Variants in KNDC1 observed in about 807,000 individuals in gnomAD.
The protein encoded by KNDC1 is kinase non-catalytic C-lobe domain containing 1, also known as kinase non-catalytic C-lobe domain-containing protein 1.
In KNDC1, 106 loss-of-function variants were observed where a neutral mutation model predicts 172.8. The ratio of observed to expected loss-of-function variants is 0.61; its 90% confidence interval spans 0.52 to 0.72. KNDC1 has a LOEUF of 0.72. Ranked by LOEUF, KNDC1 falls within the 30% of genes least tolerant of loss-of-function variation. KNDC1 has a pLI of 0.00. For synonymous variants in KNDC1, 1,083 were observed against 1,062.2 expected (o/e 1.02, Z -0.38); for missense variants, 2,325 against 2,394.5 (o/e 0.97, Z 0.61).
In KNDC1 at chr10:133,168,258, C is replaced by T. The variant is rs1591219235; in HGVS notation, c.306C>T (p.Asp102=). The T allele has an allele frequency of 6.2e-7, 1 of 1,614,114 alleles. No individual in the cohort carries two copies. The highest frequency in any genetic ancestry group is 8.5e-7 in the Non-Finnish European group (1 of 1,179,986). The part of the protein sequence containing the change: ...NVCFMEQLSD[D]PEGAFVPPEF... ...CTTCTCTCTCTCCTCCCCAAGACGA[C>T]CCTGAGGGTGCCTTCGTTCCCCCCG... The change falls in exon 3 of 30, where the codon GAC becomes GAT. Residue 102 remains aspartate (D), a synonymous_variant. Coordinates refer to ENST00000304613, the MANE Select transcript of KNDC1 (RefSeq NM_152643.8).
At chr10:133,173,116 G>GGC (rs1462867576) in intron 3 of KNDC1, among the ~76,000 whole-genome samples, 1 of 152,198 alleles carries the variant, frequency 6.6e-6, no homozygotes, top group Non-Finnish European at 1.5e-5. Flanking sequence ...CTCCTCTTCA[G>GGC]GCGCTGCATT....
At chr10:133,204,158 A>G (rs1450680477) in intron 17 of KNDC1, among the ~76,000 whole-genome samples, 1 of 152,152 alleles carries the variant, frequency 6.6e-6, no homozygotes, top group Non-Finnish European at 1.5e-5. Context: ...CATCCTCAGA[A>G]GCCAGGACCA....
intron 1 of KNDC1, among the ~76,000 whole-genome samples, chr10:133,166,242 C>T (rs1408627038): frequency 1.3e-5 from 2 of 152,190 alleles, no homozygotes; most frequent in Non-Finnish European, 2.9e-5. Context: ...GAGAAGGGGC[C>T]TCTGCCTCCT....
At chr10:133,166,373 G>A (rs1853153385) in intron 1 of KNDC1, among the ~76,000 whole-genome samples, 2 of 152,246 alleles carry the variant, frequency 1.3e-5, no homozygotes, top group Non-Finnish European at 2.9e-5. Flanking sequence ...CCATACTCGG[G>A]TGCGTGCGAG....
chr10:133,185,584 G>A (rs1324311677), intron 5 of KNDC1, among the ~76,000 whole-genome samples: 3 of 152,084 alleles, frequency 2.0e-5, no homozygotes, highest in East Asian at 2.0e-4. Flanking sequence ...GCTGACGGCC[G>A]TAGCCACATC....
At chr10:133,197,606 C>T in intron 11 of KNDC1, 69 bp from the exon 12 acceptor site, 1 of 1,214,418 alleles carries the variant, frequency 8.2e-7, no homozygotes, top group East Asian at 2.3e-5. Flanking sequence ...TGGGGGACGC[C>T]CTGTGGGTGT....
chr10:133,186,376 AG>A lies in KNDC1; in HGVS notation c.1030del (p.Ala344ProfsTer179). 6.2e-7 allele frequency: 1 copy of A among 1,612,792 alleles called. No homozygotes were observed. The highest frequency in any genetic ancestry group is 8.5e-7 in the Non-Finnish European group (1 of 1,179,968). ...ISELFSPDPR[K>X]AFLDRKNGLS... ...GAATTATTCTCTCCGGACCCCAGGA[AG>A]GCCTTTCTGGACAGGAAAAATGGCC... On this transcript the variant is annotated frameshift_variant, in exon 6 of 30. Coordinates refer to ENST00000304613, the MANE Select transcript of KNDC1 (RefSeq NM_152643.8). LOFTEE classifies it high-confidence loss of function.
rs778097502 is a variant in KNDC1 at position 133,183,960 on chromosome 10, T to C, written c.596T>C (p.Leu199Pro). 1 of 1,598,038 alleles carries C rather than the reference T, an allele frequency of 6.3e-7. No individual in the cohort carries two copies. The highest frequency in any genetic ancestry group is 1.1e-5 in the South Asian group (1 of 90,180). Residue 199 changes from leucine (L) to proline (P), a missense_variant, in exon 5 of 30, where the codon CTC becomes CCC. Transcript: ENST00000304613. ...RSLSAVGRRV[L>P]SIESFGALQD... ...CTCTCTGCTGTGGGGAGGAGGGTCC[T>C]CTCCATCGAGTCCTTCGGAGCGCTG...
At chr10:133,165,567 C>T (rs550258290) in intron 1 of KNDC1, among the ~76,000 whole-genome samples, 9 of 152,330 alleles carry the variant, frequency 5.9e-5, no homozygotes, top group Admixed American at 4.6e-4. Context: ...ACTGACTTAC[C>T]GCTTGGTGCA....
chr10:133,212,199 T>G (rs1845382531), intron 23 of KNDC1, among the ~76,000 whole-genome samples: 1 of 151,654 alleles, frequency 6.6e-6, no homozygotes, highest in Non-Finnish European at 1.5e-5. Flanking sequence ...CCTACACGTG[T>G]GCACCCTCAC....
At chr10:133,204,658 C>A (rs1040786420) in intron 17 of KNDC1, among the ~76,000 whole-genome samples, 2 of 152,242 alleles carry the variant, frequency 1.3e-5, no homozygotes, top group African/African-American at 4.8e-5. Context: ...AGAAATGTCG[C>A]CTGCATTTTT....
chr10:133,174,167 TG>T (rs1853458285), intron 3 of KNDC1: 1 of 152,398 alleles, frequency 6.6e-6, no homozygotes, highest in East Asian at 1.9e-4. Flanking sequence ...ACCCACAGGC[TG>T]GGGATCCAAT....
intron 16 of KNDC1, 81 bp from the exon 17 acceptor site, chr10:133,201,420 C>T: frequency 7.0e-7 from 1 of 1,434,776 alleles, no homozygotes; most frequent in Admixed American, 2.2e-5. Context: ...GTGCAAGCAC[C>T]ACCGGCCTCC....
intron 4 of KNDC1, 75 bp downstream of exon 4, chr10:133,183,565 AC>A: frequency 4.2e-6 from 6 of 1,442,730 alleles, no homozygotes; most frequent in Non-Finnish European, 5.5e-6. Context: ...TGCTCACCAC[AC>A]CCACGCCCAG....
In KNDC1 at chr10:133,201,862, G is replaced by A; in HGVS notation, c.3351G>A (p.Gln1117=). 2 of 1,476,710 alleles carry A rather than the reference G, an allele frequency of 1.4e-6. No individual in the cohort carries two copies. Among genetic ancestry groups the A allele is most frequent in the Middle Eastern group, 1.8e-4 (1 of 5,546 alleles). 91.5% of individuals were successfully genotyped at this position (1,476,710 alleles called of 1,614,324 possible). Residue 1117 remains glutamine, a synonymous_variant, in exon 17 of 30, where the codon CAG becomes CAA. Transcript: ENST00000304613. ...ACTACGTGAAGGACCTGGGGCGGCA[G>A]CAGGCGGACGGGGCCCTGCCCGACG... ...VHNYVKDLGR[Q]QADGALPDAQ...
At chr10:133,201,999 C>A in intron 17 of KNDC1, 101 bp downstream of exon 17, 2 of 1,313,962 alleles carry the variant, frequency 1.5e-6, no homozygotes, top group Non-Finnish European at 2.1e-6. Context: ...GTGCCCAGAG[C>A]CCCCAACAGG....
At chr10:133,210,121 C>G (rs975084662) in intron 20 of KNDC1, among the ~76,000 whole-genome samples, 3 of 152,026 alleles carry the variant, frequency 2.0e-5, no homozygotes, top group African/African-American at 7.3e-5. Context: ...CACGGTGGCT[C>G]ACGCCTGTCA....
chr10:133,167,617 G>A (rs763956780), intron 2 of KNDC1, 38 bp downstream of exon 2: 31 of 1,542,502 alleles, frequency 2.0e-5, no homozygotes, highest in Admixed American at 1.6e-4. Flanking sequence ...CGGCGGGCAC[G>A]CGGGGTGGAG....
intron 17 of KNDC1, among the ~76,000 whole-genome samples, chr10:133,204,909 G>T (rs557925734): frequency 6.6e-6 from 1 of 151,610 alleles, no homozygotes; most frequent in South Asian, 2.1e-4. Context: ...CCAGCCAGGT[G>T]CCCCTGCCCC....
Sources: gnomAD v4.1 joint callset for allele counts (sites outside exome capture counted in the v4.1 genomes callset) on GRCh38, gnomAD v4.1.1 for gene constraint, MANE v1.5 for transcripts, NCBI Gene and HGNC (gene_info 2026-07-23, HGNC 2026-07-21) for gene names.